RCCD1: variants seen among roughly 807,000 people sequenced by gnomAD.
The protein encoded by RCCD1 is RCC1 domain-containing protein 1.
A neutral mutation model predicts 37.6 loss-of-function variants in RCCD1; 40 were observed. That is an observed-to-expected ratio of 1.06 (90% CI 0.83 to 1.39). The LOEUF (loss-of-function observed/expected upper bound fraction) is 1.39. RCCD1 is among the 40% of genes most tolerant of loss of function. The pLI is 0.00. For missense variants in RCCD1, 577 were observed against 517.3 expected (o/e 1.12, Z -1.12); for synonymous variants, 263 against 230.0 (o/e 1.14, Z -1.30).
chr15:90,960,098 G>A (rs1365281176), intron 5 of RCCD1, 100 bp downstream of exon 5: 1 of 1,032,660 alleles, frequency 9.7e-7, no homozygotes, highest in Non-Finnish European at 1.4e-6. Context: ...TGCTCAGATG[G>A]AGCATGTGAG....
At chr15:90,956,041 T>A (rs1039183955) in intron 1 of RCCD1, among the ~76,000 whole-genome samples, 3 of 152,210 alleles carry the variant, frequency 2.0e-5, no homozygotes, top group Admixed American at 2.0e-4. Context: ...TTTATTACAA[T>A]TCTGTGAGGA....
At position 90,960,008 on chromosome 15, in the gene RCCD1, A is replaced by ATCT; in HGVS notation, c.778+11_778+13dup. 1.2e-6 allele frequency: 2 copies of ATCT among 1,604,286 alleles called. No homozygotes were observed. Among genetic ancestry groups the ATCT allele is most frequent in the Non-Finnish European group, 1.7e-6 (2 of 1,173,480 alleles). ...ACTGTCGCAAGGGAAGGTGAGGGTC[A>ATCT]TCTCGGCTCCCACAGCCGTCTCCCC... is the stretch of plus-strand genomic sequence containing the variant. On this transcript the variant is annotated intron_variant, in intron 5 of 7. Coordinates refer to ENST00000394258, the MANE Select transcript of RCCD1 (RefSeq NM_001017919.2).
Position 90,956,864 on chromosome 15 carries a change from G to T in RCCD1, c.130G>T (p.Val44Leu), listed in dbSNP as rs1478122973. The change falls in exon 2 of 8, where the codon GTG (valine) becomes TTG (leucine). Residue 44 changes from valine (V) to leucine (L), a missense_variant. Coordinates refer to ENST00000394258, the MANE Select transcript of RCCD1 (RefSeq NM_001017919.2). ...GCGGGCGGGCGTCGACATCTGCCGCGTGAGCGCGAGCTGGAGCTACACCGC... is the reference window on the plus strand; with the variant it reads ...GCGGGCGGGCGTCGACATCTGCCGCTTGAGCGCGAGCTGGAGCTACACCGC... ...PLRAGVDICR[V>L]SASWSYTAFV... is the part of the protein sequence containing the mutation. 14 of 1,290,620 alleles carry T rather than the reference G, an allele frequency of 1.1e-5. No individual in the cohort carries two copies. The East Asian group carries it at 4.1e-4, about 38-fold the overall frequency. 79.9% of individuals were successfully genotyped at this position (1,290,620 alleles called of 1,614,324 possible). A position where few individuals can be genotyped will look rare whatever the true frequency, so the allele number is the denominator to read the frequency against.
In RCCD1 at chr15:90,959,957, C is replaced by T. The variant is rs1466495245; in HGVS notation, c.737C>T (p.Thr246Ile). 2 of 1,613,632 alleles carry T rather than the reference C, an allele frequency of 1.2e-6. No homozygotes were observed. The highest frequency in any genetic ancestry group is 1.1e-5 in the South Asian group (1 of 91,030). ...GAATCAGGGCAGCTGGCCCTGCCCA[C>T]CAGGAACCTGGCAGAGGATGGAGAG... ...WNESGQLALP[T>I]RNLAEDGETV... Residue 246 changes from threonine (T) to isoleucine (I), a missense_variant, in exon 5 of 8, where the codon ACC becomes ATC. Transcript: ENST00000394258.
chr15:90,957,887 C>G (rs781373470), intron 4 of RCCD1, among the ~76,000 whole-genome samples, 162 bp downstream of exon 4: 2 of 152,232 alleles, frequency 1.3e-5, no homozygotes, highest in Non-Finnish European at 2.9e-5. Context: ...TCGGCCTCCT[C>G]TGCCTGCACC....
chr15:90,960,845 C>G, intron 6 of RCCD1, 180 bp from the exon 7 acceptor site: 2 of 702,964 alleles, frequency 2.8e-6, no homozygotes, highest in Non-Finnish European at 5.1e-6. Context: ...CACTTTTTCC[C>G]TCGGGATCCT....
intron 4 of RCCD1, among the ~76,000 whole-genome samples, chr15:90,958,807 C>A (rs1176813925): frequency 6.6e-6 from 1 of 151,640 alleles, no homozygotes; most frequent in Non-Finnish European, 1.5e-5. Flanking sequence ...CGGCTCGTGC[C>A]TGTGGTCCCA....
rs761585172 is a variant in RCCD1, at chr15:90,957,295, C to T, written c.349C>T (p.Pro117Ser). ...GEPLWAQNVVPEAEGEDDPAG... is the reference protein window; with the variant it reads ...GEPLWAQNVVSEAEGEDDPAG... Reference sequence around the variant, plus strand: ...GCCATTGTGGGCCCAGAATGTGGTGCCCGAGGCCGAAGGGGAAGACGATCC... The same window carrying T: ...GCCATTGTGGGCCCAGAATGTGGTGTCCGAGGCCGAAGGGGAAGACGATCC... The change falls in exon 3 of 8, where the codon CCC becomes TCC. Residue 117 changes from proline (P) to serine (S), a missense_variant. Transcript: ENST00000394258. 4.6e-6 allele frequency: 7 copies of T among 1,529,908 alleles called. No homozygotes were observed. The African/African-American group carries it at 6.9e-5, about 15-fold the overall frequency. The allele number at this position is 1,529,908 out of a possible 1,614,324, so 94.8% of individuals were successfully genotyped here.
Position 90,957,398 on chromosome 15 carries a change from A to G in RCCD1, c.452A>G (p.Tyr151Cys). 4 of 1,542,228 alleles carry G rather than the reference A, an allele frequency of 2.6e-6. No individual in the cohort carries two copies. The highest frequency in any genetic ancestry group is 2.4e-5 in the East Asian group (1 of 40,832). Reference sequence around the variant, plus strand: ...TACGTGAGCCCGCGGGCGCCCTTCTACCGGCCTCTGGCTCCGGAGCTGCGG... The same window carrying G: ...TACGTGAGCCCGCGGGCGCCCTTCTGCCGGCCTCTGGCTCCGGAGCTGCGG... Reference protein sequence around the residue: ...RAYVSPRAPFYRPLAPELRAR... With the variant: ...RAYVSPRAPFCRPLAPELRAR... Residue 151 changes from tyrosine (Y) to cysteine (C), a missense_variant, in exon 3 of 8, where the codon TAC becomes TGC. Tyr to Cys is a radical substitution (Grantham distance 194, BLOSUM62 -2). Transcript: ENST00000394258.
chr15:90,958,311 A>T (rs1354500355), intron 4 of RCCD1, among the ~76,000 whole-genome samples: 1 of 152,154 alleles, frequency 6.6e-6, no homozygotes, highest in Non-Finnish European at 1.5e-5. Context: ...TGCTACGTAG[A>T]TCACCTGGAA....
intron 1 of RCCD1, chr15:90,955,322 C>T (rs777141576): frequency 1.0e-3 from 154 of 152,248 alleles, no homozygotes; most frequent in Non-Finnish European, 1.3e-3. Flanking sequence ...CCTTTTCTCC[C>T]CGTGGCTGTC....
rs376583483 is a variant in RCCD1, at chr15:90,957,302, C to T, written c.356C>T (p.Ala119Val). The change falls in exon 3 of 8, where the codon GCC becomes GTC. Residue 119 changes from alanine to valine, a missense_variant. Physicochemically the swap from Ala to Val is moderately conservative, Grantham distance 64 (BLOSUM62 0). Transcript: ENST00000394258. ...PLWAQNVVPEAEGEDDPAGEA... is the reference protein window; with the variant it reads ...PLWAQNVVPEVEGEDDPAGEA... ...TGGGCCCAGAATGTGGTGCCCGAGG[C>T]CGAAGGGGAAGACGATCCGGCCGGT... is the stretch of plus-strand genomic sequence containing the variant. 8.8e-5 allele frequency: 135 copies of T among 1,534,400 alleles called. No individual in the cohort carries two copies. In the African/African-American group the frequency reaches 1.8e-3, roughly 20 times the overall value.
In RCCD1 at chr15:90,956,889, C is replaced by T. The variant is rs745811931; in HGVS notation, c.155C>T (p.Ala52Val). 2 of 1,287,410 alleles carry T rather than the reference C, an allele frequency of 1.6e-6. No individual in the cohort carries two copies. The highest frequency in any genetic ancestry group is 3.0e-5 in the South Asian group (1 of 33,240). 79.7% of individuals were successfully genotyped at this position (1,287,410 alleles called of 1,614,324 possible). ...GTGAGCGCGAGCTGGAGCTACACCG[C>T]TTTCGTGACCCGTGAGCACTCCCCG... The part of the protein sequence containing the change: ...CRVSASWSYT[A>V]FVTRGGRLEL... The change falls in exon 2 of 8, where the codon GCT becomes GTT. Residue 52 changes from alanine (A) to valine (V), a missense_variant. Physicochemically the swap from Ala to Val is moderately conservative, Grantham distance 64 (BLOSUM62 0). Coordinates refer to ENST00000394258, the MANE Select transcript of RCCD1 (RefSeq NM_001017919.2).
intron 7 of RCCD1, 154 bp downstream of exon 7, chr15:90,961,208 C>G (rs2037308085): frequency 1.4e-6 from 1 of 707,132 alleles, no homozygotes; most frequent in African/African-American, 1.8e-5. Context: ...GGGGTTGGAA[C>G]AGACATAGGC....
chr15:90,958,909 G>A lies in RCCD1; in HGVS notation c.680-991G>A, dbSNP rs188774755. 4.6e-3 allele frequency among the ~76,000 whole-genome samples: 670 copies of A among 144,432 alleles called. 1 individual carries two copies. The highest frequency in any genetic ancestry group is 7.2e-3 in the Non-Finnish European group (480 of 66,648). The allele number at this position is 144,432 out of a possible 152,430, so 94.8% of individuals were successfully genotyped here. ...AGATCACACCACTGCACTCCAGTCT[G>A]AGTGACAGAGTGAGACTCTGTCTGT... On this transcript the variant is annotated intron_variant, in intron 4 of 7. Transcript: ENST00000394258.
At chr15:90,960,125 G>A (rs1163157308) in intron 5 of RCCD1, 127 bp downstream of exon 5, 8 of 936,726 alleles carry the variant, frequency 8.5e-6, no homozygotes, top group African/African-American at 1.6e-5. Flanking sequence ...ATGGGAGGGA[G>A]CATTGGCAAG....
At chr15:90,960,589 C>T (rs2037295829) in intron 6 of RCCD1, 91 bp downstream of exon 6, 4 of 1,268,996 alleles carry the variant, frequency 3.2e-6, no homozygotes, top group Non-Finnish European at 1.1e-6. Flanking sequence ...CTTAAGGCTT[C>T]TGTGGCTCAT....
At position 90,956,688 on chromosome 15, in the gene RCCD1, G is replaced by A; in HGVS notation, c.-47G>A. On this transcript the variant is annotated 5_prime_UTR_variant, in exon 2 of 8. Coordinates refer to ENST00000394258, the MANE Select transcript of RCCD1 (RefSeq NM_001017919.2). The stretch of plus-strand genomic sequence containing the variant: ...GCGGGCTCTTCGCAAGAATCCCCCC[G>A]GGCCCGCCGCAGCCAGGCGGCGGCC... 1.6e-6 allele frequency: 2 copies of A among 1,251,696 alleles called. No homozygotes were observed. Among genetic ancestry groups the A allele is most frequent in the East Asian group, 3.1e-5 (1 of 32,048 alleles). 77.5% of individuals were successfully genotyped at this position (1,251,696 alleles called of 1,614,324 possible).
At chr15:90,960,988 C>A in intron 6 of RCCD1, 37 bp from the exon 7 acceptor site, 1 of 1,611,958 alleles carries the variant, frequency 6.2e-7, no homozygotes. Context: ...TGCCAAAGAA[C>A]CGTAGTGACA....
Sources: allele counts gnomAD v4.1 joint callset (sites outside exome capture counted in the v4.1 genomes callset), GRCh38; gene constraint gnomAD v4.1.1; transcripts MANE v1.5; gene names NCBI Gene and HGNC (gene_info 2026-07-23, HGNC 2026-07-21).